UNC80: variants seen among roughly 807,000 people sequenced by gnomAD.
UNC80 encodes the protein protein unc-80 homolog.
Under a neutral mutation model 384.6 loss-of-function variants are expected in UNC80, and 164 were observed. That is an observed-to-expected ratio of 0.43 (90% CI 0.38 to 0.49). UNC80 has a LOEUF of 0.49. Ranked by LOEUF, UNC80 falls within the 20% of genes least tolerant of loss-of-function variation. The probability of loss-of-function intolerance (pLI) is 0.00; values close to 1 mark genes in which losing one functional copy is unlikely to be tolerated. For missense variants in UNC80, 3,330 were observed against 4,143.0 expected (o/e 0.80, Z 5.39); for synonymous variants, 1,486 against 1,527.8 (o/e 0.97, Z 0.64).
At chr2:209,780,121 C>T (rs930010323) in intron 4 of UNC80, among the ~76,000 whole-genome samples, 3 of 152,144 alleles carry the variant, frequency 2.0e-5, no homozygotes, top group Non-Finnish European at 2.9e-5. Flanking sequence ...TTTATTGCTG[C>T]TGGTATTATG....
At chr2:209,938,704 CTCTCTCTG>C (rs1160550599) in intron 42 of UNC80, among the ~76,000 whole-genome samples, 3,192 of 143,922 alleles carry the variant, frequency 0.022, 94 homozygotes, top group African/African-American at 0.082. Context: ...CTCTCTCTCT[CTCTCTCTG>C]TGTGTGTGTG....
chr2:209,805,754 T>A (rs1559119399), intron 7 of UNC80, among the ~76,000 whole-genome samples: 1 of 152,250 alleles, frequency 6.6e-6, no homozygotes, highest in Non-Finnish European at 1.5e-5. Context: ...TATAACCTAA[T>A]CTTTTATAAC....
rs896768926 is a variant in UNC80, at chr2:209,834,912, G to C, written c.2943G>C (p.Arg981Ser). 1 of 1,549,046 alleles carries C rather than the reference G, an allele frequency of 6.5e-7. No homozygotes were observed. The highest frequency in any genetic ancestry group is 8.7e-7 in the Non-Finnish European group (1 of 1,145,180). The change falls in exon 18 of 65, where the codon AGG (arginine) becomes AGC (serine). Residue 981 changes from arginine (R) to serine (S), a missense_variant and splice_region_variant. Arg to Ser is a moderately radical substitution (Grantham distance 110). Transcript: ENST00000673920. The part of the protein sequence containing the change: ...EQESKPAGSK[R>S]SEAGSIVDKG... ...TTGTTGGAATGCACCATTTGCATAG[G>C]TCAGAGGCGGGAAGCATTGTGGATA...
intron 7 of UNC80, among the ~76,000 whole-genome samples, chr2:209,794,095 A>G (rs1574470759): frequency 2.0e-5 from 3 of 152,344 alleles, no homozygotes; most frequent in Admixed American, 2.0e-4. Flanking sequence ...AGATGTCTGA[A>G]TTAGGTGTTA....
rs1196327199 is a variant in UNC80, at chr2:209,786,185, T to C, written c.720T>C (p.Ile240=). The C allele has an allele frequency of 6.2e-7, 1 of 1,613,540 alleles. No homozygotes were observed. Among genetic ancestry groups the C allele is most frequent in the Non-Finnish European group, 8.5e-7 (1 of 1,179,726 alleles). Residue 240 remains isoleucine (I), a synonymous_variant, in exon 5 of 65, where the codon ATT becomes ATC. Coordinates refer to ENST00000673920, the MANE Select transcript of UNC80 (RefSeq NM_001371986.1). Reference sequence around the variant, plus strand: ...TGGTGAAGCCCATCAGGAACATCATTACAGGTTTGTAACTTGGACACTCAG... The same window carrying C: ...TGGTGAAGCCCATCAGGAACATCATCACAGGTTTGTAACTTGGACACTCAG... The part of the protein sequence containing the change: ...TALVKPIRNI[I]TAKRSSPINS...
intron 7 of UNC80, among the ~76,000 whole-genome samples, chr2:209,812,043 T>C (rs1461490512): frequency 1.3e-5 from 2 of 152,142 alleles, no homozygotes; most frequent in Non-Finnish European, 2.9e-5. Flanking sequence ...TTTTTGTTTT[T>C]GTTTTTGTTC....
intron 25 of UNC80, among the ~76,000 whole-genome samples, chr2:209,884,302 A>G (rs1386346353): frequency 6.6e-6 from 1 of 152,210 alleles, no homozygotes; most frequent in East Asian, 1.9e-4. Flanking sequence ...AATTCCCATC[A>G]AATGCATAGA....
At chr2:209,817,672 G>A in intron 10 of UNC80, 140 bp from the exon 11 acceptor site, 1 of 1,051,272 alleles carries the variant, frequency 9.5e-7, no homozygotes, top group Non-Finnish European at 1.4e-6. Context: ...GGCAAGTTCA[G>A]TTCTTGCTTT....
intron 39 of UNC80, among the ~76,000 whole-genome samples, chr2:209,935,458 C>T (rs1049200856): frequency 2.0e-5 from 3 of 151,888 alleles, no homozygotes; most frequent in Non-Finnish European, 4.4e-5. Flanking sequence ...CTCGTCTCTA[C>T]TAAAAATAAA....
At chr2:209,862,151 A>C (rs2083388714) in intron 22 of UNC80, among the ~76,000 whole-genome samples, 1 of 152,066 alleles carries the variant, frequency 6.6e-6, no homozygotes, top group East Asian at 1.9e-4. Context: ...AGATCTTCCT[A>C]GCTTTCTGAT....
At chr2:209,880,606 C>T (rs1203351654) in intron 24 of UNC80, among the ~76,000 whole-genome samples, 1 of 152,106 alleles carries the variant, frequency 6.6e-6, no homozygotes, top group East Asian at 1.9e-4. Context: ...TTTCTGTTTT[C>T]GTTAAAAGGT....
chr2:209,801,725 C>A (rs1432515562), intron 7 of UNC80, among the ~76,000 whole-genome samples: 1 of 146,556 alleles, frequency 6.8e-6, no homozygotes, highest in African/African-American at 2.5e-5. Context: ...TCTGACTTAC[C>A]TTTTCATTTG....
At chr2:209,922,948 A>G (rs2090153119) in intron 35 of UNC80, among the ~76,000 whole-genome samples, 1 of 152,198 alleles carries the variant, frequency 6.6e-6, no homozygotes, top group Non-Finnish European at 1.5e-5. Flanking sequence ...TCTTCTTTGT[A>G]AAAGTATTCA....
intron 47 of UNC80, among the ~76,000 whole-genome samples, chr2:209,947,665 A>C (rs2091972529): frequency 6.6e-6 from 1 of 152,208 alleles, no homozygotes; most frequent in Admixed American, 6.5e-5. Flanking sequence ...CATGGGAATA[A>C]GTAACATACC....
At chr2:209,831,862 T>C (rs1574641673) in intron 16 of UNC80, among the ~76,000 whole-genome samples, 1 of 152,182 alleles carries the variant, frequency 6.6e-6, no homozygotes, top group African/African-American at 2.4e-5. Flanking sequence ...AATTGTAAAG[T>C]ATGCTGAGCC....
At chr2:209,920,846 G>A (rs1346922348) in intron 33 of UNC80, among the ~76,000 whole-genome samples, 1 of 88,102 alleles carries the variant, frequency 1.1e-5, no homozygotes, top group Non-Finnish European at 2.3e-5. Flanking sequence ...TTTTTTTTTT[G>A]AGACAGGGTC....
chr2:209,786,290 C>A, intron 5 of UNC80, 101 bp downstream of exon 5: 5 of 1,383,962 alleles, frequency 3.6e-6, no homozygotes, highest in Non-Finnish European at 4.8e-6. Flanking sequence ...CAAAAAGAAG[C>A]AAATATCTAC....
intron 22 of UNC80, among the ~76,000 whole-genome samples, chr2:209,871,498 C>CA (rs1161425608): frequency 1.3e-5 from 2 of 152,116 alleles, no homozygotes; most frequent in Admixed American, 6.5e-5. Context: ...TGGATTGATA[C>CA]ATTGTTAAGA....
intron 13 of UNC80, among the ~76,000 whole-genome samples, chr2:209,822,167 TTTC>T (rs2080180616): frequency 6.6e-6 from 1 of 152,204 alleles, no homozygotes. Flanking sequence ...TGCTGAGCCT[TTTC>T]TATACGATTT....
Sources: gnomAD v4.1 joint callset for allele counts (sites outside exome capture counted in the v4.1 genomes callset) on GRCh38, gnomAD v4.1.1 for gene constraint, MANE v1.5 for transcripts, NCBI Gene and HGNC (gene_info 2026-07-23, HGNC 2026-07-21) for gene names.